PRDM9: variants seen among roughly 807,000 people sequenced by gnomAD.
The protein encoded by PRDM9 is PR/SET domain 9, also known as histone-lysine N-methyltransferase PRDM9.
A neutral mutation model predicts 55.6 loss-of-function variants in PRDM9; 47 were observed. The observed-to-expected ratio is 0.85, with a 90% confidence interval of 0.67 to 1.08. The LOEUF (loss-of-function observed/expected upper bound fraction) is 1.08, where lower values mean the gene tolerates loss of function less well. PRDM9 is among the 50% of genes least tolerant of loss of function. The pLI is 0.00. For missense variants in PRDM9, 867 were observed against 1,040.3 expected, an observed-to-expected ratio of 0.83 and a Z score of 2.29; for synonymous variants, 312 against 375.7, an observed-to-expected ratio of 0.83 and a Z score of 1.96.
At position 23,524,517 on chromosome 5, in the gene PRDM9, G is replaced by A; in HGVS notation, c.1134G>A (p.Met378Ile). 1 of 1,613,892 alleles carries A rather than the reference G, an allele frequency of 6.2e-7. No individual in the cohort carries two copies. Among genetic ancestry groups the A allele is most frequent in the Non-Finnish European group, 8.5e-7 (1 of 1,179,852 alleles). The part of the protein sequence containing the change: ...KWGSKWKKEL[M>I]AGREPKPEIH... ...GCAGCAAGTGGAAGAAAGAGCTCAT[G>A]GCAGGGAGAGGTAGGCATCACTATT... The change falls in exon 10 of 11, where the codon ATG becomes ATA. Residue 378 changes from methionine to isoleucine, a missense_variant. Physicochemically the swap from Met to Ile is conservative, Grantham distance 10. Transcript: ENST00000296682.
chr5:23,513,682 C>T (rs970719933), intron 4 of PRDM9, among the ~76,000 whole-genome samples: 2 of 152,010 alleles, frequency 1.3e-5, no homozygotes, highest in African/African-American at 4.8e-5. Context: ...GAGTTTGAGA[C>T]CAGCCTGGCC....
At chr5:23,521,780 A>G (rs534877827) in intron 6 of PRDM9, among the ~76,000 whole-genome samples, 1 of 152,356 alleles carries the variant, frequency 6.6e-6, no homozygotes, top group Non-Finnish European at 1.5e-5. Flanking sequence ...AAATGAGACC[A>G]AGTATATATA....
At chr5:23,524,252 C>T (rs1561021510) in intron 9 of PRDM9, 82 bp from the exon 10 acceptor site, 12 of 1,541,318 alleles carry the variant, frequency 7.8e-6, no homozygotes, top group Non-Finnish European at 1.1e-5. Context: ...GAGGCCTAGA[C>T]CAGCAGGTGA....
In PRDM9 at chr5:23,526,767, G is replaced by A; in HGVS notation, c.1679G>A (p.Gly560Asp). Residue 560 changes from glycine to aspartate, a missense_variant, in exon 11 of 11, where the codon GGC (glycine) becomes GAC (aspartate). Transcript: ENST00000296682. ...KLYVCRECGRGFSWKSHLLIH... is the reference protein window; with the variant it reads ...KLYVCRECGRDFSWKSHLLIH... The stretch of plus-strand genomic sequence containing the variant: ...TACGTCTGCAGGGAGTGTGGGCGGG[G>A]CTTTAGCTGGAAGTCACACCTCCTC... The A allele has an allele frequency of 6.3e-7, 1 of 1,590,200 alleles. No individual in the cohort carries two copies. Among genetic ancestry groups the A allele is most frequent in the East Asian group, 2.4e-5 (1 of 42,498 alleles).
chr5:23,527,669 G>T lies in PRDM9; in HGVS notation c.2581G>T (p.Val861Phe), dbSNP rs780084938. ...QRTHTGEKPY[V>F]CRECGRGFSD... Reference sequence around the variant, plus strand: ...GACACACACAGGGGAGAAGCCCTACGTCTGCAGGGAGTGTGGGCGGGGCTT... The same window carrying T: ...GACACACACAGGGGAGAAGCCCTACTTCTGCAGGGAGTGTGGGCGGGGCTT... The change falls in exon 11 of 11, where the codon GTC becomes TTC. Residue 861 changes from valine to phenylalanine, a missense_variant. Val to Phe is a conservative substitution (Grantham distance 50, BLOSUM62 -1). This residue lies in a region of PRDM9 where 86 missense variants were observed against 73.6 expected (regional missense o/e 1.17). Coordinates refer to ENST00000296682, the MANE Select transcript of PRDM9 (RefSeq NM_020227.4). 4 of 1,583,978 alleles carry T rather than the reference G, an allele frequency of 2.5e-6. No individual in the cohort carries two copies. In the Admixed American group the frequency reaches 5.2e-5, roughly 21 times the overall value.
chr5:23,513,138 G>A (rs1321923916), intron 4 of PRDM9, among the ~76,000 whole-genome samples: 1 of 152,138 alleles, frequency 6.6e-6, no homozygotes, highest in Non-Finnish European at 1.5e-5. Flanking sequence ...TTAATATATT[G>A]TATACCCAGA....
At chr5:23,525,475 G>A (rs540969252) in intron 10 of PRDM9, among the ~76,000 whole-genome samples, 2 of 152,176 alleles carry the variant, frequency 1.3e-5, no homozygotes, top group Non-Finnish European at 2.9e-5. Context: ...CAGCCTGAGA[G>A]AGAACATATT....
intron 10 of PRDM9, 53 bp downstream of exon 10, chr5:23,524,580 G>C (rs1579595663): frequency 3.7e-6 from 6 of 1,610,616 alleles, no homozygotes; most frequent in East Asian, 2.2e-5. Flanking sequence ...AATTATCCTA[G>C]AGAATTTTCA....
In PRDM9 at chr5:23,515,330, G is replaced by A. The variant is rs542858679; in HGVS notation, c.302-2551G>A. 2.6e-5 allele frequency among the ~76,000 whole-genome samples: 4 copies of A among 152,078 alleles called. No individual in the cohort carries two copies. In the South Asian group the frequency reaches 6.2e-4, roughly 24 times the overall value. ...TCACTATGTTGCTCTGGCTGGTCTC[G>A]AACTCCTAGGTTCAAGTTATCCTCC... On this transcript the variant is annotated intron_variant, in intron 4 of 10. Transcript: ENST00000296682.
intron 4 of PRDM9, among the ~76,000 whole-genome samples, chr5:23,511,330 T>C (rs1321373104): frequency 2.0e-5 from 3 of 152,030 alleles, no homozygotes; most frequent in Non-Finnish European, 4.4e-5. Flanking sequence ...CGTTTGTTTG[T>C]TTGTTTGTTG....
intron 9 of PRDM9, 121 bp downstream of exon 9, chr5:23,523,479 A>G (rs1739374696): frequency 5.7e-6 from 6 of 1,043,908 alleles, no homozygotes; most frequent in South Asian, 1.3e-5. Context: ...ATTTTTCTCC[A>G]TACAATGCTG....
chr5:23,515,518 A>T (rs1739193963), intron 4 of PRDM9, among the ~76,000 whole-genome samples: 1 of 152,042 alleles, frequency 6.6e-6, no homozygotes, highest in Non-Finnish European at 1.5e-5. Flanking sequence ...TTTAAGTTTG[A>T]TGTAGTCTTA....
intron 4 of PRDM9, among the ~76,000 whole-genome samples, chr5:23,516,617 G>T (rs147608831): frequency 6.6e-6 from 1 of 151,516 alleles, no homozygotes; most frequent in Admixed American, 6.6e-5. Flanking sequence ...CGTGATCTGC[G>T]CACCTCAACC....
chr5:23,513,224 T>G (rs1739135437), intron 4 of PRDM9, among the ~76,000 whole-genome samples: 1 of 152,238 alleles, frequency 6.6e-6, no homozygotes, highest in Non-Finnish European at 1.5e-5. Context: ...TTACAGTGTC[T>G]GCACCATTTT....
Position 23,507,617 on chromosome 5 carries a change from C to CT in PRDM9, c.-179dup, listed in dbSNP as rs1215743096. The CT allele has an allele frequency of 6.6e-6, 1 of 152,510 alleles. No homozygotes were observed. The highest frequency in any genetic ancestry group is 2.1e-4 in the South Asian group (1 of 4,838). The allele number at this position is 152,510 out of a possible 1,614,324, so 9.4% of individuals were successfully genotyped here. ...ACCACATCTCACCTCCTGAGGGACT[C>CT]TGAGAGAACGCCCGGCCAGGGTGAA... is the stretch of plus-strand genomic sequence containing the variant. On this transcript the variant is annotated 5_prime_UTR_variant, in exon 1 of 11. Transcript: ENST00000296682.
chr5:23,515,683 T>A (rs943845535), intron 4 of PRDM9, among the ~76,000 whole-genome samples: 9 of 152,244 alleles, frequency 5.9e-5, no homozygotes, highest in African/African-American at 2.2e-4. Context: ...TTTGAGTTAA[T>A]TTTTATATGA....
At chr5:23,508,872 C>A (rs1448443347) in intron 1 of PRDM9, 78 bp from the exon 2 acceptor site, 4 of 789,468 alleles carry the variant, frequency 5.1e-6, no homozygotes, top group South Asian at 5.0e-5. Flanking sequence ...GAACACCCAG[C>A]CAGATGGAGA....
At position 23,527,590 on chromosome 5, in the gene PRDM9, C is replaced by A. The variant is rs376683020; in HGVS notation, c.2502C>A (p.Cys834Ter). The change falls in exon 11 of 11, where the codon TGC becomes TGA. Residue 834 changes from cysteine to a stop codon, truncating the protein, a stop_gained. Coordinates refer to ENST00000296682, the MANE Select transcript of PRDM9 (RefSeq NM_020227.4). LOFTEE classifies it low-confidence loss of function (END_TRUNC). Reference protein sequence around the residue: ...RTHTGEKPYVCRECGRGFRNK... With the variant: ...RTHTGEKPYV ...ACACAGGGGAGAAGCCCTATGTCTG[C>A]AGGGAGTGTGGGCGGGGCTTTCGCA... 3 of 1,511,798 alleles carry A rather than the reference C, an allele frequency of 2.0e-6. No individual in the cohort carries two copies. The highest frequency in any genetic ancestry group is 8.9e-7 in the Non-Finnish European group (1 of 1,126,892). 93.6% of individuals were successfully genotyped at this position (1,511,798 alleles called of 1,614,324 possible).
At chr5:23,507,875 A>T (rs1318581850) in intron 1 of PRDM9, among the ~76,000 whole-genome samples, 163 bp downstream of exon 1, 3 of 152,012 alleles carry the variant, frequency 2.0e-5, no homozygotes, top group Non-Finnish European at 4.4e-5. Context: ...CCTCAGCTTC[A>T]GAGACTCCAA....
Sources: gnomAD v4.1 joint callset for allele counts (sites outside exome capture counted in the v4.1 genomes callset) on GRCh38, gnomAD v4.1.1 for gene constraint, gnomAD v4.1.1 regional missense constraint, MANE v1.5 for transcripts, NCBI Gene and HGNC (gene_info 2026-07-23, HGNC 2026-07-21) for gene names.